MARCHF1: variants seen among roughly 807,000 people sequenced by gnomAD.
MARCHF1 encodes the protein membrane associated ring-CH-type finger 1.
MARCHF1 carries 40 observed loss-of-function variants against 54.2 expected under a neutral mutation model. That is an observed-to-expected ratio of 0.74 (90% confidence interval 0.57 to 0.96). The LOEUF is 0.96. MARCHF1 is among the 40% of genes least tolerant of loss of function. MARCHF1 has a pLI of 0.00. For missense variants in MARCHF1, 586 were observed against 656.5 expected (o/e 0.89, Z 1.17); for synonymous variants, 236 against 236.3 (o/e 1.00, Z 0.01).
intron 1 of MARCHF1, among the ~76,000 whole-genome samples, chr4:164,130,961 T>A (rs1372414284): frequency 6.6e-6 from 1 of 152,192 alleles, no homozygotes; most frequent in Non-Finnish European, 1.5e-5. Context: ...TAAAAATGAT[T>A]ATCTGCCATT....
chr4:164,226,535 T>C (rs1391235878), intron 1 of MARCHF1, among the ~76,000 whole-genome samples: 3 of 151,974 alleles, frequency 2.0e-5, no homozygotes, highest in African/African-American at 7.2e-5. Context: ...AGAAAATAGA[T>C]ACAACACATA....
intron 5 of MARCHF1, among the ~76,000 whole-genome samples, chr4:163,616,950 A>G (rs1313635746): frequency 6.6e-6 from 1 of 152,142 alleles, no homozygotes; most frequent in East Asian, 1.9e-4. Flanking sequence ...TCAAAGAGAT[A>G]TGTGAACCCC....
chr4:163,730,044 G>A (rs1469670061), intron 4 of MARCHF1, among the ~76,000 whole-genome samples: 1 of 151,932 alleles, frequency 6.6e-6, no homozygotes, highest in African/African-American at 2.4e-5. Flanking sequence ...ACTTGATGGT[G>A]TCCCAGTTAT....
At chr4:164,035,632 A>AC (rs778311584) in intron 2 of MARCHF1, among the ~76,000 whole-genome samples, 2 of 37,670 alleles carry the variant, frequency 5.3e-5, no homozygotes, top group African/African-American at 2.2e-4. Flanking sequence ...GATAAAGAAT[A>AC]CAAAAAAAAA....
At chr4:163,973,395 T>C (rs555561649) in intron 3 of MARCHF1, among the ~76,000 whole-genome samples, 2 of 152,332 alleles carry the variant, frequency 1.3e-5, no homozygotes, top group Admixed American at 6.5e-5. Context: ...ACAGAAATGG[T>C]TGGGCTACAT....
intron 4 of MARCHF1, among the ~76,000 whole-genome samples, chr4:163,828,253 T>G (rs1023551972): frequency 6.6e-6 from 1 of 152,188 alleles, no homozygotes; most frequent in African/African-American, 2.4e-5. Flanking sequence ...CAAAGTACTT[T>G]TAACTACTTT....
intron 2 of MARCHF1, among the ~76,000 whole-genome samples, chr4:164,064,041 C>G (rs902480358): frequency 6.6e-6 from 1 of 152,144 alleles, no homozygotes; most frequent in Non-Finnish European, 1.5e-5. Context: ...TGTACCAGTA[C>G]CATGCTGTTT....
rs1024479922 is a variant in MARCHF1, at chr4:163,528,348, A to G, written c.*400T>C. ...TAGTTATTTCCAGATGAGACAGTTA[A>G]CATTACAAGGCCCTAGAAGTAATAC... is the stretch of plus-strand genomic sequence containing the variant. On this transcript the variant is annotated 3_prime_UTR_variant, in exon 10 of 10. Transcript: ENST00000514618. 13 of 163,818 alleles carry G rather than the reference A, an allele frequency of 7.9e-5. No homozygotes were observed. The highest frequency in any genetic ancestry group is 1.6e-4 in the Non-Finnish European group (12 of 75,840). The allele number at this position is 163,818 out of a possible 1,614,324, so 10.1% of individuals were successfully genotyped here. A position where few individuals can be genotyped will look rare whatever the true frequency, so the allele number is the denominator to read the frequency against.
At chr4:163,629,680 A>C (rs533437871) in intron 5 of MARCHF1, among the ~76,000 whole-genome samples, 1 of 152,210 alleles carries the variant, frequency 6.6e-6, no homozygotes, top group Non-Finnish European at 1.5e-5. Flanking sequence ...GCTAATATCC[A>C]GAATCTAAGG....
chr4:163,996,127 T>A lies in MARCHF1; in HGVS notation c.-247-7418A>T, dbSNP rs536437028. On this transcript the variant is annotated intron_variant, in intron 2 of 9. Coordinates refer to ENST00000514618, the MANE Select transcript of MARCHF1 (RefSeq NM_001394959.1). The stretch of plus-strand genomic sequence containing the variant: ...GTTAAGTTTGAGGGATGGCTGTTTT[T>A]TCTCATCATATTTTTATTCTCGTGG... Among the ~76,000 whole-genome samples the A allele has an allele frequency of 2.6e-5, 4 of 152,154 alleles. No individual in the cohort carries two copies. In the South Asian group the frequency reaches 8.3e-4, roughly 32 times the overall value.
intron 7 of MARCHF1, among the ~76,000 whole-genome samples, chr4:163,587,849 CTGAGTCACAATGGCAGGCTGGAAGAA>C (rs1740460396): frequency 6.6e-6 from 1 of 151,060 alleles, no homozygotes; most frequent in African/African-American, 2.5e-5. Flanking sequence ...TTTTTTTGAG[CTGAGTCACAATGGCAGGCTGGAAGAA>C]TGTATGAATC....
chr4:163,705,193 T>C (rs1744914492), intron 4 of MARCHF1, among the ~76,000 whole-genome samples: 2 of 151,916 alleles, frequency 1.3e-5, no homozygotes, highest in African/African-American at 4.8e-5. Context: ...CCGAGCTGTA[T>C]TTTACTTTAA....
chr4:164,101,484 C>T lies in MARCHF1; in HGVS notation c.-248+10104G>A, dbSNP rs141272397. 9.5e-3 allele frequency among the ~76,000 whole-genome samples: 1,193 copies of T among 125,506 alleles called. 27 individuals carry two copies. The highest frequency in any genetic ancestry group is 0.052 in the Middle Eastern group (15 of 286). 82.3% of individuals were successfully genotyped at this position (125,506 alleles called of 152,430 possible). On this transcript the variant is annotated intron_variant, in intron 2 of 9. Transcript: ENST00000514618. ...ACCCCCGAGCAGCCTAACTGGGAGG[C>T]ACCCCCCAGCAGGGGCACACTGACA...
chr4:163,886,228 T>C (rs1408615886), intron 3 of MARCHF1, among the ~76,000 whole-genome samples: 1 of 150,482 alleles, frequency 6.6e-6, no homozygotes, highest in Non-Finnish European at 1.5e-5. Context: ...TAGATAAATA[T>C]ATATTGATAT....
At chr4:163,670,496 A>G (rs1374796996) in intron 5 of MARCHF1, among the ~76,000 whole-genome samples, 1 of 151,640 alleles carries the variant, frequency 6.6e-6, no homozygotes, top group East Asian at 1.9e-4. Context: ...TTCATTTTTC[A>G]TATTTTCTTA....
chr4:163,817,053 GCTCTGGCTTTGTCAGTTATTTT>G (rs1748552840), intron 4 of MARCHF1, among the ~76,000 whole-genome samples: 1 of 152,070 alleles, frequency 6.6e-6, no homozygotes, highest in Non-Finnish European at 1.5e-5. Context: ...CATCTACCAT[GCTCTGGCTTTGTCAGTTATTTT>G]CTCGGCAATT....
chr4:163,753,823 G>C (rs964510878), intron 4 of MARCHF1, among the ~76,000 whole-genome samples: 2 of 152,116 alleles, frequency 1.3e-5, no homozygotes, highest in Non-Finnish European at 2.9e-5. Flanking sequence ...TGGGAACACT[G>C]AGCAATATCA....
intron 4 of MARCHF1, among the ~76,000 whole-genome samples, chr4:163,836,238 TATTTATTTA>T (rs1299506521): frequency 1.3e-5 from 2 of 149,502 alleles, no homozygotes; most frequent in African/African-American, 4.9e-5. Flanking sequence ...TTTATTTATT[TATTTATTTA>T]TTTATTTATT....
intron 3 of MARCHF1, among the ~76,000 whole-genome samples, chr4:163,976,099 T>A (rs1332584906): frequency 6.6e-6 from 1 of 152,196 alleles, no homozygotes. Flanking sequence ...AGATCCTAGT[T>A]GAAGAACTAG....
Sources: gnomAD v4.1 joint callset for allele counts (sites outside exome capture counted in the v4.1 genomes callset) on GRCh38, gnomAD v4.1.1 for gene constraint, MANE v1.5 for transcripts, NCBI Gene and HGNC (gene_info 2026-07-23, HGNC 2026-07-21) for gene names.